SLAMF1: variants seen among roughly 807,000 people sequenced by gnomAD.
The protein encoded by SLAMF1 is signaling lymphocytic activation molecule family member 1, also known as signaling lymphocytic activation molecule.
SLAMF1 carries 18 observed loss-of-function variants against 35.1 expected under a neutral mutation model. That is an observed-to-expected ratio of 0.51 (90% CI 0.35 to 0.76). The LOEUF (loss-of-function observed/expected upper bound fraction) is 0.76, where lower values mean the gene tolerates loss of function less well. Ranked by LOEUF, SLAMF1 falls within the 30% of genes least tolerant of loss-of-function variation. The probability of loss-of-function intolerance (pLI) is 0.01; values close to 1 mark genes in which losing one functional copy is unlikely to be tolerated. For missense variants in SLAMF1, 392 were observed against 413.0 expected (o/e 0.95, Z 0.44); for synonymous variants, 168 against 157.2 (o/e 1.07, Z -0.51).
intron 5 of SLAMF1, among the ~76,000 whole-genome samples, chr1:160,614,598 A>T (rs896041833): frequency 1.3e-5 from 2 of 151,310 alleles, no homozygotes; most frequent in East Asian, 3.9e-4. Flanking sequence ...AAAAGAAGAG[A>T]GACCTTTATC....
chr1:160,638,506 A>G (rs1233103770), intron 1 of SLAMF1, among the ~76,000 whole-genome samples: 1 of 152,114 alleles, frequency 6.6e-6, no homozygotes, highest in Non-Finnish European at 1.5e-5. Context: ...ATCAATACAC[A>G]ACATATAAAC....
intron 3 of SLAMF1, among the ~76,000 whole-genome samples, chr1:160,630,095 G>A (rs762730427): frequency 1.2e-4 from 19 of 152,098 alleles, no homozygotes; most frequent in East Asian, 1.9e-4. Context: ...AGCTTCCAGG[G>A]GCATTCCTTT....
chr1:160,633,818 G>C (rs1162325637), intron 3 of SLAMF1, among the ~76,000 whole-genome samples: 3 of 152,202 alleles, frequency 2.0e-5, no homozygotes, highest in Non-Finnish European at 4.4e-5. Context: ...TGTAGGTTTA[G>C]GGGTTAACTC....
intron 3 of SLAMF1, among the ~76,000 whole-genome samples, chr1:160,631,362 T>A (rs1441115578): frequency 6.6e-6 from 1 of 152,208 alleles, no homozygotes; most frequent in Admixed American, 6.5e-5. Context: ...TTATTACATG[T>A]TGAATTGTGT....
In SLAMF1 at chr1:160,637,384, G is replaced by A. The variant is rs191229048; in HGVS notation, c.222C>T (p.Val74=). The stretch of plus-strand genomic sequence containing the variant: ...GATCAAGAGACACTATTTTGTTCTC[G>A]ACACTGTTCTCCAGTGATTTTGCCA... The part of the protein sequence containing the change: ...VTMAKSLENS[V]ENKIVSLDPS... Residue 74 remains valine, a synonymous_variant, in exon 2 of 7, where the codon GTC becomes GTT. Transcript: ENST00000302035. 2.1e-5 allele frequency: 34 copies of A among 1,613,828 alleles called. No homozygotes were observed. The highest frequency in any genetic ancestry group is 2.5e-5 in the Non-Finnish European group (30 of 1,179,926).
intron 6 of SLAMF1, 78 bp downstream of exon 6, chr1:160,612,410 T>TAA (rs200238058): frequency 2.4e-3 from 1,865 of 768,388 alleles, no homozygotes; most frequent in East Asian, 4.0e-3. Flanking sequence ...CTTCCCACCT[T>TAA]AAAAAAAAAA....
chr1:160,623,250 G>C (rs75906923), intron 4 of SLAMF1, among the ~76,000 whole-genome samples: 2,886 of 152,130 alleles, frequency 0.019, 35 homozygotes, highest in African/African-American at 0.037. Context: ...GCCCTACCCC[G>C]AGCCCCATAG....
chr1:160,628,470 A>G (rs1489241502), intron 3 of SLAMF1, among the ~76,000 whole-genome samples: 1 of 152,170 alleles, frequency 6.6e-6, no homozygotes, highest in Non-Finnish European at 1.5e-5. Flanking sequence ...ATTCCTTTTC[A>G]AAGAGGAATT....
rs749681824 is a variant in SLAMF1, at chr1:160,612,511, C to G, written c.934G>C (p.Glu312Gln). 6.2e-7 allele frequency: 1 copy of G among 1,612,518 alleles called. No homozygotes were observed. The highest frequency in any genetic ancestry group is 2.2e-5 in the East Asian group (1 of 44,812). Residue 312 changes from glutamate to glutamine, a missense_variant, in exon 6 of 7, where the codon GAG (glutamate) becomes CAG (glutamine). Physicochemically the swap from Glu to Gln is conservative, Grantham distance 29. Coordinates refer to ENST00000302035, the MANE Select transcript of SLAMF1 (RefSeq NM_003037.5). ...ACCTGGACAGACTCTGGGACAGGCTCTGTGGCAGCAACATATATGGTGGTG... is the reference window on the plus strand; with the variant it reads ...ACCTGGACAGACTCTGGGACAGGCTGTGTGGCAGCAACATATATGGTGGTG... ...PCTTIYVAAT[E>Q]PVPESVQETN...
chr1:160,645,091 A>C (rs1429414742), intron 1 of SLAMF1, among the ~76,000 whole-genome samples: 2 of 152,212 alleles, frequency 1.3e-5, no homozygotes, highest in Admixed American at 6.5e-5. Flanking sequence ...ATTAAAACAA[A>C]TCTCATCGGG....
intron 1 of SLAMF1, among the ~76,000 whole-genome samples, chr1:160,643,906 C>T (rs548175446): frequency 3.3e-5 from 5 of 152,216 alleles, no homozygotes; most frequent in African/African-American, 9.6e-5. Context: ...TTGCCTCCAG[C>T]ATGAGGTATG....
chr1:160,628,599 C>A (rs755139916), intron 3 of SLAMF1, among the ~76,000 whole-genome samples: 6 of 152,160 alleles, frequency 3.9e-5, no homozygotes, highest in Non-Finnish European at 7.4e-5. Flanking sequence ...GTACCTTATT[C>A]TTTATTTGTA....
chr1:160,632,956 T>C (rs1399265421), intron 3 of SLAMF1, among the ~76,000 whole-genome samples: 2 of 152,198 alleles, frequency 1.3e-5, no homozygotes, highest in African/African-American at 4.8e-5. Flanking sequence ...GTGGGGATAC[T>C]ATCAATATTA....
At chr1:160,624,041 TC>T in intron 4 of SLAMF1, 54 bp downstream of exon 4, 1 of 1,262,214 alleles carries the variant, frequency 7.9e-7, no homozygotes, top group East Asian at 2.4e-5. Flanking sequence ...TGGAGAGAGG[TC>T]CCCTGCTTAC....
chr1:160,619,935 A>G (rs1659515788), intron 4 of SLAMF1, 86 bp from the exon 5 acceptor site: 16 of 870,722 alleles, frequency 1.8e-5, no homozygotes, highest in Non-Finnish European at 3.9e-6. Context: ...TGTCCTTTGC[A>G]TACCCACTTT....
In SLAMF1 at chr1:160,646,893, G is replaced by A. The variant is rs184377145; in HGVS notation, c.53C>T (p.Ala18Val). The A allele has an allele frequency of 4.4e-6, 7 of 1,607,356 alleles. No individual in the cohort carries two copies. The Admixed American group carries it at 1.2e-4, about 27-fold the overall frequency. ...ACCTGTTCCGTAGCTTGCCCCAAAA[G>A]CCAGGGAGAGAAACAGCACGAAGGT... ...SLTFVLFLSL[A>V]FGASYGTGGR... Residue 18 changes from alanine to valine, a missense_variant, in exon 1 of 7, where the codon GCT becomes GTT. Physicochemically the swap from Ala to Val is moderately conservative, Grantham distance 64 (BLOSUM62 0). Coordinates refer to ENST00000302035, the MANE Select transcript of SLAMF1 (RefSeq NM_003037.5).
chr1:160,625,491 C>T (rs11803978), intron 3 of SLAMF1, among the ~76,000 whole-genome samples: 1,677 of 152,296 alleles, frequency 0.011, 17 homozygotes, highest in Non-Finnish European at 0.018. Context: ...CCAAAGGGGC[C>T]TCCAGCCTGA....
At chr1:160,612,605 AT>A in intron 5 of SLAMF1, 25 bp from the exon 6 acceptor site, 1 of 1,438,912 alleles carries the variant, frequency 6.9e-7, no homozygotes, top group Non-Finnish European at 9.8e-7. Context: ...AAGAAAGCAG[AT>A]TAGCTGAACA....
intron 3 of SLAMF1, among the ~76,000 whole-genome samples, chr1:160,624,772 C>A (rs184267865): frequency 1.3e-5 from 2 of 152,012 alleles, no homozygotes; most frequent in Admixed American, 6.6e-5. Context: ...AAAATTAGCC[C>A]GAGAACTAAT....
Sources: allele counts gnomAD v4.1 joint callset (sites outside exome capture counted in the v4.1 genomes callset), GRCh38; gene constraint gnomAD v4.1.1; transcripts MANE v1.5; gene names NCBI Gene and HGNC (gene_info 2026-07-23, HGNC 2026-07-21).